The following ZNF565 variants were observed in gnomAD, a reference collection of about 807,000 sequenced individuals.
ZNF565 encodes the protein zinc finger protein 565.
A neutral mutation model predicts 39.4 loss-of-function variants in ZNF565; 27 were observed. That is an observed-to-expected ratio of 0.69 (90% CI 0.51 to 0.95). The LOEUF (loss-of-function observed/expected upper bound fraction) is 0.95, where lower values mean the gene tolerates loss of function less well. Among genes scored for constraint, ZNF565 ranks in the 40% least tolerant of loss-of-function variants. The probability of loss-of-function intolerance (pLI) is 0.00; values close to 1 mark genes in which losing one functional copy is unlikely to be tolerated. For missense variants in ZNF565, 524 were observed against 621.1 expected (o/e 0.84, Z 1.66); for synonymous variants, 185 against 216.6 (o/e 0.85, Z 1.28).
chr19:36,234,198 G>C (rs1442234044), intron 1 of ZNF565, among the ~76,000 whole-genome samples: 1 of 152,022 alleles, frequency 6.6e-6, no homozygotes, highest in Non-Finnish European at 1.5e-5. Flanking sequence ...GCACAGGGTT[G>C]GGGGTAGGGT....
chr19:36,235,227 A>G (rs770746417), intron 1 of ZNF565, among the ~76,000 whole-genome samples: 41 of 151,914 alleles, frequency 2.7e-4, no homozygotes, highest in Non-Finnish European at 5.4e-4. Context: ...AAAAGAAGAA[A>G]GAAAGATGAA....
At chr19:36,222,023 G>C (rs1976869290) in intron 1 of ZNF565, among the ~76,000 whole-genome samples, 1 of 145,822 alleles carries the variant, frequency 6.9e-6, no homozygotes, top group Admixed American at 7.3e-5. Context: ...TCCAACTGCT[G>C]GGCTGAAGTG....
chr19:36,211,521 C>T (rs904417550), intron 1 of ZNF565, among the ~76,000 whole-genome samples: 2 of 145,756 alleles, frequency 1.4e-5, no homozygotes, highest in East Asian at 2.1e-4. Context: ...TGGCCGGGCG[C>T]GGTGGCTCAC....
intron 3 of ZNF565, 26 bp from the exon 4 acceptor site, chr19:36,194,354 G>A (rs1357630189): frequency 6.4e-7 from 1 of 1,573,004 alleles, no homozygotes; most frequent in East Asian, 2.3e-5. Flanking sequence ...GAAATGGGGT[G>A]TGATCAGACC....
chr19:36,201,877 G>A, intron 2 of ZNF565, 100 bp downstream of exon 2: 3 of 1,420,372 alleles, frequency 2.1e-6, no homozygotes, highest in Non-Finnish European at 2.9e-6. Context: ...TGGACCAACT[G>A]TGAGAAGGAT....
chr19:36,219,353 T>A (rs540912241), upstream of ZNF565, among the ~76,000 whole-genome samples: 6 of 152,098 alleles, frequency 3.9e-5, no homozygotes, highest in East Asian at 9.7e-4. Context: ...TTTGTAGAGA[T>A]GGAGTCTTAC....
chr19:36,221,895 A>G (rs1205106660), intron 1 of ZNF565, among the ~76,000 whole-genome samples: 2 of 143,484 alleles, frequency 1.4e-5, no homozygotes, highest in Non-Finnish European at 3.0e-5. Flanking sequence ...TAATAACAGT[A>G]TGTCCTAGAG....
At position 36,182,981 on chromosome 19, in the gene ZNF565, G is replaced by C; in HGVS notation, c.985C>G (p.His329Asp). 1 of 1,614,084 alleles carries C rather than the reference G, an allele frequency of 6.2e-7. No homozygotes were observed. Among genetic ancestry groups the C allele is most frequent in the Non-Finnish European group, 8.5e-7 (1 of 1,180,016 alleles). Residue 329 changes from histidine to aspartate, a missense_variant, in exon 5 of 5, where the codon CAC (histidine) becomes GAC (aspartate). By Grantham distance (81) the His-to-Asp change is moderately conservative. Transcript: ENST00000304116. The stretch of plus-strand genomic sequence containing the variant: ...CACTCGTAGGGTTTCTCACCAGTGT[G>C]GATTCGCTGGTGTACAGTCAGCTGT... ...HSQLTVHQRI[H>D]TGEKPYECKE...
Position 36,212,744 on chromosome 19 carries a change from T to C in ZNF565, c.-66+1878A>G, listed in dbSNP as rs575688445. ...AGGTATGCAGGGAGCAGGGAGGATATAGGCCTTTCAGTCCATCTCCAAGGC... is the reference window on the plus strand; with the variant it reads ...AGGTATGCAGGGAGCAGGGAGGATACAGGCCTTTCAGTCCATCTCCAAGGC... On this transcript the variant is annotated intron_variant, in intron 1 of 4. Coordinates refer to ENST00000304116, the MANE Select transcript of ZNF565 (RefSeq NM_152477.5). Among the ~76,000 whole-genome samples, 9 of 152,208 alleles carry C rather than the reference T, an allele frequency of 5.9e-5. No individual in the cohort carries two copies. In the East Asian group the frequency reaches 1.3e-3, roughly 23 times the overall value.
intron 1 of ZNF565, chr19:36,237,409 A>C (rs773496838): frequency 6.9e-6 from 10 of 1,455,070 alleles, no homozygotes; most frequent in Non-Finnish European, 9.2e-6. Context: ...GAAGCAAAGC[A>C]CCACGAATGA....
chr19:36,214,220 G>A (rs773031545), intron 1 of ZNF565, among the ~76,000 whole-genome samples: 1 of 151,972 alleles, frequency 6.6e-6, no homozygotes, highest in Non-Finnish European at 1.5e-5. Context: ...CACAGGCACA[G>A]GCAATTGCAC....
chr19:36,245,815 G>C lies in ZNF565; in HGVS notation c.-285C>G. On this transcript the variant is annotated 5_prime_UTR_variant, in exon 1 of 5. Transcript: ENST00000355114. This position sits in a 1 kb window ranked among gnomAD's most constrained non-coding sequence, Gnocchi z 4.4. The stretch of plus-strand genomic sequence containing the variant: ...GCTACTCTTGAGTCCCGGTTCCTTC[G>C]CCCAGCTGCGGGCCTCGGGCTACTG... 1 of 391,010 alleles carries C rather than the reference G, an allele frequency of 2.6e-6. No homozygotes were observed. Among genetic ancestry groups the C allele is most frequent in the East Asian group, 4.6e-5 (1 of 21,832 alleles). 24.2% of individuals were successfully genotyped at this position (391,010 alleles called of 1,614,324 possible).
intron 1 of ZNF565, among the ~76,000 whole-genome samples, chr19:36,221,919 T>TTTTC (rs1462985768): frequency 2.8e-5 from 4 of 141,066 alleles, no homozygotes; most frequent in African/African-American, 7.7e-5. Context: ...GCCCTTCCTT[T>TTTTC]TTTCTTTCTT....
intron 1 of ZNF565, among the ~76,000 whole-genome samples, chr19:36,227,650 G>T (rs1977131787): frequency 6.6e-6 from 1 of 152,036 alleles, no homozygotes; most frequent in Non-Finnish European, 1.5e-5. Context: ...GAACTCCTGG[G>T]CTCAAGTCAT....
At chr19:36,237,483 C>T in intron 1 of ZNF565, 1 of 768,500 alleles carries the variant, frequency 1.3e-6, no homozygotes, top group East Asian at 2.8e-5. Context: ...AAGAGAAAGA[C>T]ATGCATATGA....
intron 1 of ZNF565, among the ~76,000 whole-genome samples, chr19:36,220,023 TACCCCTTCAGGTC>T (rs1215767028): frequency 6.6e-6 from 1 of 152,238 alleles, no homozygotes; most frequent in Non-Finnish European, 1.5e-5. Flanking sequence ...TGCCAGTGGA[TACCCCTTCAGGTC>T]ATTCTTGTCT....
chr19:36,202,341 T>C (rs1198887361), intron 1 of ZNF565, among the ~76,000 whole-genome samples: 3 of 151,832 alleles, frequency 2.0e-5, no homozygotes, highest in African/African-American at 7.3e-5. Context: ...CCCTCCAGCC[T>C]GGGCGACAGA....
In ZNF565 at chr19:36,183,349, C is replaced by G; in HGVS notation, c.617G>C (p.Arg206Pro). The G allele has an allele frequency of 1.2e-6, 2 of 1,610,652 alleles. No homozygotes were observed. Among genetic ancestry groups the G allele is most frequent in the Non-Finnish European group, 1.7e-6 (2 of 1,178,728 alleles). The change falls in exon 5 of 5, where the codon CGT (arginine) becomes CCT (proline). Residue 206 changes from arginine to proline, a missense_variant. Arg to Pro is a moderately radical substitution (Grantham distance 103, BLOSUM62 -2). Coordinates refer to ENST00000304116, the MANE Select transcript of ZNF565 (RefSeq NM_152477.5). ...CTGATGCTGAACAAGGTGTGAGGCACGGCTGAAGGCCTTCCCACATTCCTT... is the reference window on the plus strand; with the variant it reads ...CTGATGCTGAACAAGGTGTGAGGCAGGGCTGAAGGCCTTCCCACATTCCTT... ...GCKECGKAFS[R>P]ASHLVQHQRI...
At chr19:36,223,655 G>A (rs897598599) in intron 1 of ZNF565, among the ~76,000 whole-genome samples, 4 of 141,624 alleles carry the variant, frequency 2.8e-5, no homozygotes, top group Admixed American at 7.3e-5. Context: ...GAGCCACCGC[G>A]CGTGGCTGAT....
Sources: allele counts gnomAD v4.1 joint callset (sites outside exome capture counted in the v4.1 genomes callset), GRCh38; gene constraint gnomAD v4.1.1; non-coding constraint Gnocchi (gnomAD v3.1); transcripts MANE v1.5; gene names NCBI Gene and HGNC (gene_info 2026-07-23, HGNC 2026-07-21).